MLPH: variants seen among roughly 807,000 people sequenced by gnomAD.
The protein encoded by MLPH is melanophilin.
In MLPH, 51 loss-of-function variants were observed where a neutral mutation model predicts 72.1. The observed-to-expected ratio is 0.71, with a 90% CI of 0.56 to 0.89. The LOEUF is 0.89. Among genes scored for constraint, MLPH ranks in the 40% least tolerant of loss-of-function variants. MLPH has a pLI of 0.00. For synonymous variants in MLPH, 301 were observed against 310.1 expected, an observed-to-expected ratio of 0.97 and a Z score of 0.31; for missense variants, 743 against 759.9, an observed-to-expected ratio of 0.98 and a Z score of 0.26.
intron 12 of MLPH, among the ~76,000 whole-genome samples, chr2:237,545,220 G>GACAGTGGTGAGTGGGGC (rs376922629): frequency 1.0e-4 from 15 of 145,146 alleles, no homozygotes; most frequent in Non-Finnish European, 2.0e-4. Context: ...GGTGAGTGGG[G>GACAGTGGTGAGTGGGGC]ACAGTGGTGA....
Position 237,541,256 on chromosome 2 carries a change from G to A in MLPH, c.1446+299G>A, listed in dbSNP as rs74538224. 5.1e-4 allele frequency among the ~76,000 whole-genome samples: 78 copies of A among 152,288 alleles called. No individual in the cohort carries two copies. Among genetic ancestry groups the A allele is most frequent in the African/African-American group, 1.8e-3 (73 of 41,548 alleles). ...CACACAATCCCTGACCCAGGATGGG[G>A]GCCTAGAAGCAGGCCTGGAATTTAG... On this transcript the variant is annotated intron_variant, in intron 11 of 15. Coordinates refer to ENST00000264605, the MANE Select transcript of MLPH (RefSeq NM_024101.7). This position sits in a 1 kb window ranked among gnomAD's most constrained non-coding sequence, Gnocchi z 5.1.
At position 237,554,010 on chromosome 2, in the gene MLPH, T is replaced by C. The variant is rs2081087541; in HGVS notation, c.*418T>C. 2.8e-6 allele frequency: 1 copy of C among 356,264 alleles called. No homozygotes were observed. The highest frequency in any genetic ancestry group is 2.1e-5 in the African/African-American group (1 of 47,256). The allele number at this position is 356,264 out of a possible 1,614,324, so 22.1% of individuals were successfully genotyped here. A position where few individuals can be genotyped will look rare whatever the true frequency, so the allele number is the denominator to read the frequency against. On this transcript the variant is annotated 3_prime_UTR_variant, in exon 16 of 16. Transcript: ENST00000264605. ...TAAGGCACCAGCCATATGTGTATTC[T>C]TGATGGTCTATATCGGGGTGTGAGC...
rs150975788 is a variant in MLPH, at chr2:237,505,831, T to A, written c.111-4743T>A. Among the ~76,000 whole-genome samples the A allele has an allele frequency of 2.7e-4, 41 of 152,282 alleles. No individual in the cohort carries two copies. The highest frequency in any genetic ancestry group is 9.9e-4 in the African/African-American group (41 of 41,564). On this transcript the variant is annotated intron_variant, in intron 2 of 15. Transcript: ENST00000264605. The surrounding 1 kb of genome is among the most constrained non-coding windows in gnomAD (Gnocchi z 4.5). ...CCTTGGCTCTGTTCTGCCCCACCAG[T>A]CACAGCTCTGGCATGCGTGTCCCAG...
At chr2:237,523,012 T>C (rs2080224185) in intron 6 of MLPH, among the ~76,000 whole-genome samples, 1 of 152,198 alleles carries the variant, frequency 6.6e-6, no homozygotes, top group Admixed American at 6.5e-5. Context: ...AGAATTAATA[T>C]TGTGATGAGG....
At chr2:237,542,993 GGC>G (rs1475554358) in intron 12 of MLPH, among the ~76,000 whole-genome samples, 11 of 54,374 alleles carry the variant, frequency 2.0e-4, no homozygotes, top group South Asian at 1.0e-3. Context: ...GGTGAGTGGG[GGC>G]ACAGTGGTGA....
At chr2:237,508,786 G>A (rs536350878) in intron 2 of MLPH, among the ~76,000 whole-genome samples, 38 of 152,262 alleles carry the variant, frequency 2.5e-4, no homozygotes, top group African/African-American at 6.3e-4. Context: ...CAGCATAGCC[G>A]GTGGTGCTCC....
chr2:237,516,349 C>A (rs990598030), intron 4 of MLPH, among the ~76,000 whole-genome samples: 2 of 152,146 alleles, frequency 1.3e-5, no homozygotes, highest in Non-Finnish European at 2.9e-5. Context: ...CTAGGGAGGC[C>A]AGGCCCAGGA....
rs3817362 is a variant in MLPH, at chr2:237,540,364, T to C, written c.1121T>C (p.Val374Ala). The change falls in exon 10 of 16, where the codon GTG becomes GCG. Residue 374 changes from valine to alanine, a missense_variant. Physicochemically the swap from Val to Ala is moderately conservative, Grantham distance 64. Transcript: ENST00000264605. ...PPLAKGLGAG[V>A]RTEADVEEEA... ...TTCTGTCAGGGTCTAGGTGCTGGAGTGCGCACGGAGGCCGATGTAGAGGAG... is the reference window on the plus strand; with the variant it reads ...TTCTGTCAGGGTCTAGGTGCTGGAGCGCGCACGGAGGCCGATGTAGAGGAG... 301,934 of 1,612,428 alleles carry C rather than the reference T, an allele frequency of 0.19. 44,971 individuals carry two copies. The highest frequency in any genetic ancestry group is 0.73 in the African/African-American group (54,755 of 74,934).
In MLPH at chr2:237,552,351, T is replaced by C; in HGVS notation, c.1690T>C (p.Ser564Pro). The part of the protein sequence containing the change: ...SLKSQGKDDD[S>P]FDRKSVYRGS... ...TTTCCCCAAAGGTAAAGATGATGAT[T>C]CTTTTGATCGGAAATCAGTGTACCG... Residue 564 changes from serine (S) to proline (P), a missense_variant, in exon 15 of 16, where the codon TCT becomes CCT. Physicochemically the swap from Ser to Pro is moderately conservative, Grantham distance 74. Coordinates refer to ENST00000264605, the MANE Select transcript of MLPH (RefSeq NM_024101.7). 2 of 1,614,126 alleles carry C rather than the reference T, an allele frequency of 1.2e-6. No individual in the cohort carries two copies. The highest frequency in any genetic ancestry group is 2.2e-5 in the East Asian group (1 of 44,886).
chr2:237,515,041 A>G (rs550218736), intron 4 of MLPH, among the ~76,000 whole-genome samples: 6 of 152,166 alleles, frequency 3.9e-5, no homozygotes, highest in Non-Finnish European at 8.8e-5. Flanking sequence ...CTGGTTGACT[A>G]TTTCTATCTC....
intron 12 of MLPH, chr2:237,545,740 T>A: frequency 9.8e-7 from 1 of 1,015,266 alleles, no homozygotes; most frequent in Non-Finnish European, 1.3e-6. Context: ...AAAGATGACC[T>A]TAGGAGAGTC....
intron 1 of MLPH, among the ~76,000 whole-genome samples, chr2:237,488,687 G>A (rs1017253588): frequency 1.3e-5 from 2 of 152,230 alleles, no homozygotes; most frequent in African/African-American, 4.8e-5. Context: ...CACATGGGGA[G>A]TCAGTGGGTC....
At chr2:237,518,483 T>C (rs1038482044) in intron 4 of MLPH, 56 bp from the exon 5 acceptor site, 1 of 1,432,868 alleles carries the variant, frequency 7.0e-7, no homozygotes, top group South Asian at 1.2e-5. Flanking sequence ...GGCTGACAAA[T>C]GGCTTGTTCC....
chr2:237,501,501 A>G (rs959527493), intron 2 of MLPH, among the ~76,000 whole-genome samples: 5 of 151,648 alleles, frequency 3.3e-5, no homozygotes, highest in Non-Finnish European at 7.4e-5. Context: ...CTCATCTCCT[A>G]TTTCCCCCAT....
At chr2:237,537,908 C>T (rs897208326) in intron 9 of MLPH, among the ~76,000 whole-genome samples, 3 of 152,300 alleles carry the variant, frequency 2.0e-5, no homozygotes, top group Admixed American at 6.5e-5. Flanking sequence ...CATCTCTGCG[C>T]GGCCCTCGCC....
intron 13 of MLPH, 105 bp downstream of exon 13, chr2:237,546,788 TCA>T (rs1559379040): frequency 1.1e-6 from 1 of 928,974 alleles, no homozygotes; most frequent in African/African-American, 1.6e-5. Flanking sequence ...TGCAATGTCC[TCA>T]CAGCTACCCA....
At position 237,540,973 on chromosome 2, in the gene MLPH, C is replaced by T. The variant is rs2080667512; in HGVS notation, c.1446+16C>T. ...AGAGAGCGAGGTAGCCCAGAAGGCA[C>T]AGGGGAGCACTGAGTTCCACAAACA... On this transcript the variant is annotated intron_variant, in intron 11 of 15. Coordinates refer to ENST00000264605, the MANE Select transcript of MLPH (RefSeq NM_024101.7). The T allele has an allele frequency of 2.5e-6, 4 of 1,592,308 alleles. No homozygotes were observed. The highest frequency in any genetic ancestry group is 1.3e-5 in the African/African-American group (1 of 74,778).
intron 7 of MLPH, among the ~76,000 whole-genome samples, chr2:237,527,016 A>G (rs1328374680): frequency 6.6e-6 from 1 of 152,222 alleles, no homozygotes; most frequent in Non-Finnish European, 1.5e-5. Flanking sequence ...TACATAGCAA[A>G]TTATCACAAA....
chr2:237,527,244 A>G (rs1420734807), intron 7 of MLPH, 133 bp from the exon 8 acceptor site: 18 of 1,116,350 alleles, frequency 1.6e-5, no homozygotes, highest in South Asian at 2.6e-5. Context: ...TGACTTTGGA[A>G]CCTCAGCCCT....
Sources: allele counts gnomAD v4.1 joint callset (sites outside exome capture counted in the v4.1 genomes callset), GRCh38; gene constraint gnomAD v4.1.1; non-coding constraint Gnocchi (gnomAD v3.1); transcripts MANE v1.5; gene names NCBI Gene and HGNC (gene_info 2026-07-23, HGNC 2026-07-21).